NRXN1: variants seen among roughly 807,000 people sequenced by gnomAD.
NRXN1 encodes neurexin-1.
NRXN1 carries 39 observed loss-of-function variants against 150.9 expected under a neutral mutation model. That is an observed-to-expected ratio of 0.26 (90% confidence interval 0.20 to 0.34). The LOEUF is 0.34. Ranked by LOEUF, NRXN1 falls within the 10% of genes least tolerant of loss-of-function variation. NRXN1 has a pLI of 1.00. For synonymous variants in NRXN1, 924 were observed against 757.0 expected, an observed-to-expected ratio of 1.22 and a Z score of -3.62; for missense variants, 1,815 against 1,949.9, an observed-to-expected ratio of 0.93 and a Z score of 1.30.
At chr2:50,663,816 T>G (rs1387069237) in intron 5 of NRXN1, among the ~76,000 whole-genome samples, 7 of 152,020 alleles carry the variant, frequency 4.6e-5, no homozygotes, top group Non-Finnish European at 8.8e-5. Flanking sequence ...CAATTTTCTG[T>G]ATCCCAAATA....
chr2:50,639,362 A>G (rs1030614019), intron 5 of NRXN1, among the ~76,000 whole-genome samples: 1 of 151,578 alleles, frequency 6.6e-6, no homozygotes, highest in African/African-American at 2.4e-5. Context: ...CTAGGATTAC[A>G]GACTCCCACC....
intron 22 of NRXN1, among the ~76,000 whole-genome samples, chr2:49,933,135 G>A (rs1670422186): frequency 6.6e-6 from 1 of 152,174 alleles, no homozygotes; most frequent in East Asian, 1.9e-4. Flanking sequence ...CGCCCAGGCT[G>A]GAGCACAGTG....
chr2:50,214,194 A>C (rs1469473922), intron 18 of NRXN1, among the ~76,000 whole-genome samples: 1 of 151,952 alleles, frequency 6.6e-6, no homozygotes, highest in Non-Finnish European at 1.5e-5. Context: ...TTTTAATTCA[A>C]GATATTGGAT....
chr2:50,306,035 G>C (rs1015269797), intron 17 of NRXN1, among the ~76,000 whole-genome samples: 2 of 152,100 alleles, frequency 1.3e-5, no homozygotes, highest in African/African-American at 4.8e-5. Flanking sequence ...CCTAGACCTT[G>C]TGTGATTATT....
At chr2:50,167,210 C>T (rs2059741713) in intron 18 of NRXN1, among the ~76,000 whole-genome samples, 1 of 152,080 alleles carries the variant, frequency 6.6e-6, no homozygotes. Flanking sequence ...AATCTGCTCC[C>T]CTGCCTCACC....
At chr2:50,426,756 T>C (rs1372310810) in intron 17 of NRXN1, among the ~76,000 whole-genome samples, 2 of 152,184 alleles carry the variant, frequency 1.3e-5, no homozygotes, top group South Asian at 2.1e-4. Context: ...AGAATATAGC[T>C]ACCCAAACCT....
intron 17 of NRXN1, among the ~76,000 whole-genome samples, chr2:50,372,608 A>G (rs749857648): frequency 6.6e-6 from 1 of 152,160 alleles, no homozygotes; most frequent in Non-Finnish European, 1.5e-5. Flanking sequence ...AGCAAAGATG[A>G]CTTAGAGTAT....
At chr2:50,020,594 T>G (rs1687418290) in intron 21 of NRXN1, among the ~76,000 whole-genome samples, 1 of 152,236 alleles carries the variant, frequency 6.6e-6, no homozygotes. Context: ...GTTTACTTGA[T>G]AATTCCATAT....
chr2:50,755,439 A>C (rs1371869699), intron 5 of NRXN1, among the ~76,000 whole-genome samples: 1 of 151,810 alleles, frequency 6.6e-6, no homozygotes, highest in African/African-American at 2.4e-5. Context: ...AGAAAGCTTC[A>C]TTTTAAAGCA....
intron 2 of NRXN1, among the ~76,000 whole-genome samples, chr2:50,928,181 A>C (rs1340982131): frequency 6.6e-6 from 1 of 152,022 alleles, no homozygotes; most frequent in African/African-American, 2.4e-5. Context: ...GACTAAATCC[A>C]GAAAAGTGGT....
intron 17 of NRXN1, among the ~76,000 whole-genome samples, chr2:50,249,632 TCTTTC>T (rs1294847682): frequency 1.5e-5 from 2 of 136,592 alleles, no homozygotes; most frequent in Admixed American, 7.6e-5. Context: ...ACATGTCATT[TCTTTC>T]CTTTCTTTTT....
chr2:50,075,290 C>G (rs895457484), intron 19 of NRXN1, among the ~76,000 whole-genome samples: 2 of 152,030 alleles, frequency 1.3e-5, no homozygotes, highest in Admixed American at 6.6e-5. Context: ...ATGATGAAAG[C>G]AATTTTAAAA....
rs60634706 is a variant in NRXN1 at position 50,278,871 on chromosome 2, GA to G, written c.3365-41902del. Among the ~76,000 whole-genome samples, 1,227 of 152,170 alleles carry G rather than the reference GA, an allele frequency of 8.1e-3. 17 individuals carry two copies. Among genetic ancestry groups the G allele is most frequent in the African/African-American group, 0.029 (1,186 of 41,502 alleles). ...TAACTTAATGATGTGTCACTGGCCT[GA>G]CAAACCATTAAAATAATCTAGAAGT... On this transcript the variant is annotated intron_variant, in intron 17 of 22. Transcript: ENST00000401669.
chr2:50,622,628 T>TA (rs1680233585), intron 6 of NRXN1, among the ~76,000 whole-genome samples: 1 of 152,196 alleles, frequency 6.6e-6, no homozygotes, highest in Admixed American at 6.5e-5. Flanking sequence ...ACAGATTTAG[T>TA]AAATAGTTGA....
At chr2:50,370,958 A>G (rs1291444528) in intron 17 of NRXN1, among the ~76,000 whole-genome samples, 3 of 152,000 alleles carry the variant, frequency 2.0e-5, no homozygotes, top group Non-Finnish European at 4.4e-5. Flanking sequence ...ATATGTCCTT[A>G]GTATCTGAGA....
chr2:50,426,224 C>T (rs1329274982), intron 17 of NRXN1, among the ~76,000 whole-genome samples: 3 of 152,110 alleles, frequency 2.0e-5, no homozygotes, highest in Admixed American at 6.6e-5. Flanking sequence ...AAGCTGCAAG[C>T]GTTAAAGCTT....
At chr2:50,417,689 G>C (rs1308458626) in intron 17 of NRXN1, among the ~76,000 whole-genome samples, 1 of 151,858 alleles carries the variant, frequency 6.6e-6, no homozygotes, top group Non-Finnish European at 1.5e-5. Context: ...GACATAACTT[G>C]TTTGGTGGGG....
At chr2:50,889,522 A>G (rs546066103) in intron 5 of NRXN1, among the ~76,000 whole-genome samples, 53 of 151,730 alleles carry the variant, frequency 3.5e-4, no homozygotes, top group Non-Finnish European at 6.5e-4. Context: ...TTCCGATTCT[A>G]TCTGTTTAAC....
At chr2:50,414,802 T>C (rs768366627) in intron 17 of NRXN1, among the ~76,000 whole-genome samples, 1 of 152,136 alleles carries the variant, frequency 6.6e-6, no homozygotes, top group Non-Finnish European at 1.5e-5. Context: ...TTAAAGTGCA[T>C]CAATTTTGTC....
Sources: allele counts gnomAD v4.1 joint callset (sites outside exome capture counted in the v4.1 genomes callset), GRCh38; gene constraint gnomAD v4.1.1; transcripts MANE v1.5; gene names NCBI Gene and HGNC (gene_info 2026-07-23, HGNC 2026-07-21).